Variants in COL8A1 observed in about 807,000 individuals in gnomAD.
The protein encoded by COL8A1 is collagen type VIII alpha 1 chain.
COL8A1 carries 21 observed loss-of-function variants against 42.7 expected under a neutral mutation model. The ratio of observed to expected loss-of-function variants is 0.49; its 90% CI spans 0.35 to 0.71. The LOEUF is 0.71. COL8A1 is among the 30% of genes least tolerant of loss of function. The probability of loss-of-function intolerance (pLI) is 0.01; values close to 1 mark genes in which losing one functional copy is unlikely to be tolerated. For missense variants in COL8A1, 788 were observed against 962.4 expected, an observed-to-expected ratio of 0.82 and a Z score of 2.40; for synonymous variants, 367 against 369.1, an observed-to-expected ratio of 0.99 and a Z score of 0.06.
chr3:99,712,411 G>A (rs753389087), intron 1 of COL8A1, among the ~76,000 whole-genome samples: 19 of 152,196 alleles, frequency 1.2e-4, no homozygotes, highest in South Asian at 2.1e-4. Context: ...CCAAGCCAAT[G>A]GCAAAAAGTC....
chr3:99,695,973 C>T (rs185330519), intron 1 of COL8A1, among the ~76,000 whole-genome samples: 1 of 152,156 alleles, frequency 6.6e-6, no homozygotes, highest in African/African-American at 2.4e-5. Context: ...GTCTCTACTA[C>T]AAATACAAAA....
rs901054036 is a variant in COL8A1 at position 99,794,029 on chromosome 3, G to A, written c.329-201G>A. ...GGCCTCCCAAAGTTGTAGGATTACA[G>A]GCACGAGCCACCATGCCAGGCCTGA... On this transcript the variant is annotated intron_variant, in intron 3 of 3. Coordinates refer to ENST00000652472, the MANE Select transcript of COL8A1 (RefSeq NM_020351.4). The surrounding 1 kb of genome is among the most constrained non-coding windows in gnomAD (Gnocchi z 4.3). 1.3e-5 allele frequency among the ~76,000 whole-genome samples: 2 copies of A among 152,214 alleles called. No individual in the cohort carries two copies. Among genetic ancestry groups the A allele is most frequent in the Non-Finnish European group, 2.9e-5 (2 of 68,034 alleles).
intron 1 of COL8A1, among the ~76,000 whole-genome samples, chr3:99,732,879 A>C (rs574604629): frequency 8.5e-5 from 13 of 152,172 alleles, no homozygotes; most frequent in Non-Finnish European, 1.9e-4. Context: ...CAATGGGGGT[A>C]CAGGTATTGG....
chr3:99,734,505 C>T (rs575275584), intron 1 of COL8A1, among the ~76,000 whole-genome samples: 1 of 151,902 alleles, frequency 6.6e-6, no homozygotes, highest in South Asian at 2.1e-4. Flanking sequence ...TTCCATTGAA[C>T]TATATCTCTG....
At chr3:99,793,342 A>G (rs950221858) in intron 3 of COL8A1, among the ~76,000 whole-genome samples, 1 of 152,198 alleles carries the variant, frequency 6.6e-6, no homozygotes, top group Admixed American at 6.5e-5. Flanking sequence ...TGATTTAATT[A>G]TTCCACATTG....
chr3:99,746,448 C>G (rs890963064), intron 2 of COL8A1, among the ~76,000 whole-genome samples: 9 of 152,102 alleles, frequency 5.9e-5, no homozygotes, highest in African/African-American at 2.2e-4. Flanking sequence ...GTAATTGTTG[C>G]AACCAGTGAT....
At chr3:99,766,541 G>A (rs1217271554) in intron 2 of COL8A1, among the ~76,000 whole-genome samples, 1 of 152,170 alleles carries the variant, frequency 6.6e-6, no homozygotes, top group African/African-American at 2.4e-5. Context: ...TTCCCCTAGT[G>A]TTTTCTTTGA....
chr3:99,681,517 T>C (rs1938881733), intron 1 of COL8A1, among the ~76,000 whole-genome samples: 1 of 152,038 alleles, frequency 6.6e-6, no homozygotes. Flanking sequence ...TAGAAAGAGT[T>C]TGAGTGGGGA....
chr3:99,767,705 T>C (rs949368823), intron 2 of COL8A1, among the ~76,000 whole-genome samples: 1 of 152,178 alleles, frequency 6.6e-6, no homozygotes, highest in African/African-American at 2.4e-5. Flanking sequence ...TACCAAAAAG[T>C]GGATCAACAT....
Position 99,798,487 on chromosome 3 carries a change from A to T in COL8A1, c.*2351A>T, listed in dbSNP as rs917892910. ...GATTTGTAAAATTGTATTTATCTGT[A>T]CATGTATGGGCTTTTAATTCCCACC... On this transcript the variant is annotated 3_prime_UTR_variant, in exon 4 of 4. Coordinates refer to ENST00000652472, the MANE Select transcript of COL8A1 (RefSeq NM_020351.4). 4 of 152,224 alleles carry T rather than the reference A, an allele frequency of 2.6e-5. No homozygotes were observed. The highest frequency in any genetic ancestry group is 2.0e-4 in the Admixed American group (3 of 15,288). The allele number at this position is 152,224 out of a possible 1,614,324, so 9.4% of individuals were successfully genotyped here.
chr3:99,690,758 A>G (rs1376098429), intron 1 of COL8A1, among the ~76,000 whole-genome samples: 2 of 152,246 alleles, frequency 1.3e-5, no homozygotes, highest in Non-Finnish European at 2.9e-5. Flanking sequence ...TGTAGCTGAT[A>G]TCACCTGAGG....
chr3:99,765,140 T>C (rs1434035469), intron 2 of COL8A1, among the ~76,000 whole-genome samples: 2 of 152,170 alleles, frequency 1.3e-5, no homozygotes, highest in African/African-American at 4.8e-5. Flanking sequence ...GTAGGCAATG[T>C]AACAAGTTAC....
chr3:99,729,589 CTT>C (rs1315784795), intron 1 of COL8A1, among the ~76,000 whole-genome samples: 1 of 152,022 alleles, frequency 6.6e-6, no homozygotes, highest in African/African-American at 2.4e-5. Context: ...TTTTTCCTCT[CTT>C]CTAATTTATC....
chr3:99,682,848 T>C (rs1215677754), intron 1 of COL8A1, among the ~76,000 whole-genome samples: 1 of 117,260 alleles, frequency 8.5e-6, no homozygotes, highest in African/African-American at 3.1e-5. Flanking sequence ...CACAGCATTG[T>C]TGTGTTTAGC....
intron 2 of COL8A1, among the ~76,000 whole-genome samples, chr3:99,786,937 T>C (rs977474292): frequency 2.0e-5 from 3 of 152,102 alleles, no homozygotes; most frequent in African/African-American, 7.2e-5. Flanking sequence ...CTGAGGGTCT[T>C]GAGAGACTAC....
At chr3:99,682,662 G>T (rs1001345202) in intron 1 of COL8A1, among the ~76,000 whole-genome samples, 2 of 150,284 alleles carry the variant, frequency 1.3e-5, no homozygotes, top group South Asian at 2.1e-4. Flanking sequence ...GTTGTAGAAA[G>T]ATCATAGAAC....
chr3:99,640,664 G>A (rs1021019060), intron 1 of COL8A1, among the ~76,000 whole-genome samples: 1 of 152,202 alleles, frequency 6.6e-6, no homozygotes, highest in Non-Finnish European at 1.5e-5. Flanking sequence ...AAATAACTGA[G>A]TGAGATCATC....
intron 1 of COL8A1, among the ~76,000 whole-genome samples, chr3:99,651,727 G>A (rs1369268655): frequency 6.6e-6 from 1 of 152,216 alleles, no homozygotes; most frequent in Non-Finnish European, 1.5e-5. Flanking sequence ...AGTTTACAGA[G>A]ATGTTTAATG....
chr3:99,720,678 T>C (rs1294678848), intron 1 of COL8A1, among the ~76,000 whole-genome samples: 1 of 152,182 alleles, frequency 6.6e-6, no homozygotes, highest in Non-Finnish European at 1.5e-5. Flanking sequence ...TGTTTTCTAT[T>C]GCTCTGAGCT....
Sources: gnomAD v4.1 joint callset for allele counts (sites outside exome capture counted in the v4.1 genomes callset) on GRCh38, gnomAD v4.1.1 for gene constraint, Gnocchi (gnomAD v3.1) non-coding constraint, MANE v1.5 for transcripts, NCBI Gene and HGNC (gene_info 2026-07-23, HGNC 2026-07-21) for gene names.